Variants in SEPTIN9 observed in about 807,000 individuals in gnomAD.
SEPTIN9 encodes the protein septin 9.
Under a neutral mutation model 56.6 loss-of-function variants are expected in SEPTIN9, and 13 were observed. The observed-to-expected ratio is 0.23, with a 90% CI of 0.15 to 0.37. The LOEUF is 0.37. Ranked by LOEUF, SEPTIN9 falls within the 10% of genes least tolerant of loss-of-function variation. SEPTIN9 has a pLI of 1.00. For synonymous variants in SEPTIN9, 332 were observed against 334.1 expected (o/e 0.99, Z 0.07); for missense variants, 650 against 823.1 (o/e 0.79, Z 2.57).
In SEPTIN9 at chr17:77,436,281, G is replaced by T. The variant is rs2037334056; in HGVS notation, c.721+33578G>T. Among the ~76,000 whole-genome samples the T allele has an allele frequency of 6.6e-6, 1 of 152,192 alleles. No individual in the cohort carries two copies. The highest frequency in any genetic ancestry group is 1.5e-5 in the Non-Finnish European group (1 of 68,032). On this transcript the variant is annotated intron_variant, in intron 3 of 11. Transcript: ENST00000427177. This position sits in a 1 kb window ranked among gnomAD's most constrained non-coding sequence, Gnocchi z 4.4. ...AGAGGAAGGGGTGGGCGGGGACACA[G>T]CGCTGTTCGGCACAGTCCCCTCTGA... is the stretch of plus-strand genomic sequence containing the variant.
chr17:77,346,278 CTTTTTTTTTTTTTT>C (rs577131369), intron 2 of SEPTIN9, among the ~76,000 whole-genome samples: 516 of 46,332 alleles, frequency 0.011, 15 homozygotes, highest in South Asian at 0.02. Context: ...ATCCTTAGGT[CTTTTTTTTTTTTTT>C]TTTTTTTTTT....
intron 3 of SEPTIN9, among the ~76,000 whole-genome samples, chr17:77,479,702 G>A (rs775868715): frequency 2.6e-5 from 4 of 151,134 alleles, no homozygotes; most frequent in Admixed American, 1.3e-4. Flanking sequence ...CTCCAGGGGC[G>A]TTGGGGGCGA....
intron 3 of SEPTIN9, among the ~76,000 whole-genome samples, chr17:77,428,037 C>T (rs184598734): frequency 4.9e-4 from 74 of 152,334 alleles, no homozygotes; most frequent in Admixed American, 8.5e-4. Context: ...TGCAGCATGC[C>T]AGCCACCAAG....
intron 3 of SEPTIN9, among the ~76,000 whole-genome samples, chr17:77,406,479 G>C (rs920601107): frequency 1.3e-5 from 2 of 151,402 alleles, no homozygotes; most frequent in African/African-American, 4.9e-5. Flanking sequence ...TAGTTTTTCA[G>C]ATCATAAAAA....
At chr17:77,414,219 C>G (rs191692033) in intron 3 of SEPTIN9, among the ~76,000 whole-genome samples, 411 of 152,154 alleles carry the variant, frequency 2.7e-3, no homozygotes, top group Middle Eastern at 6.8e-3. Context: ...GCTGAGATTA[C>G]AGACATGTAC....
intron 3 of SEPTIN9, among the ~76,000 whole-genome samples, chr17:77,480,466 C>A (rs768242498): frequency 1.3e-5 from 2 of 152,242 alleles, no homozygotes; most frequent in Non-Finnish European, 2.9e-5. Context: ...TCGGTTCTTG[C>A]CCCGCAAGTG....
At chr17:77,482,710 C>G in intron 4 of SEPTIN9, 1 of 583,056 alleles carries the variant, frequency 1.7e-6, no homozygotes, top group South Asian at 2.1e-5. Context: ...GGCTCCCCAC[C>G]GCACCCCACC....
In SEPTIN9 at chr17:77,453,103, G is replaced by A. The variant is rs958655561; in HGVS notation, c.722-29041G>A. 1.2e-4 allele frequency among the ~76,000 whole-genome samples: 19 copies of A among 152,072 alleles called. No homozygotes were observed. The highest frequency in any genetic ancestry group is 1.1e-3 in the Admixed American group (17 of 15,250). The stretch of plus-strand genomic sequence containing the variant: ...CCACTTTGTGTTCCCACTAGCCCCC[G>A]CCCCTGTAGGCTGTCATTGTGATGG... On this transcript the variant is annotated intron_variant, in intron 3 of 11. Transcript: ENST00000427177. This position sits in a 1 kb window ranked among gnomAD's most constrained non-coding sequence, Gnocchi z 4.4.
intron 1 of SEPTIN9, among the ~76,000 whole-genome samples, chr17:77,296,572 T>C (rs67445724): frequency 0.2 from 30,133 of 151,916 alleles, 3,184 homozygotes; most frequent in African/African-American, 0.24. Flanking sequence ...AGATGATAGG[T>C]TGGGTTCAGT....
intron 2 of SEPTIN9, among the ~76,000 whole-genome samples, chr17:77,387,599 C>T (rs900212424): frequency 2.6e-5 from 4 of 152,034 alleles, no homozygotes; most frequent in Non-Finnish European, 5.9e-5. Flanking sequence ...GGAGACACCG[C>T]GGATCTCCTC....
At chr17:77,357,037 G>A (rs998750951) in intron 2 of SEPTIN9, among the ~76,000 whole-genome samples, 8 of 151,672 alleles carry the variant, frequency 5.3e-5, no homozygotes, top group Non-Finnish European at 1.0e-4. Flanking sequence ...TGGTGGCTGG[G>A]CTGTGGGGGG....
chr17:77,302,030 C>G (rs928062059), intron 1 of SEPTIN9, among the ~76,000 whole-genome samples: 1 of 152,254 alleles, frequency 6.6e-6, no homozygotes, highest in Non-Finnish European at 1.5e-5. Flanking sequence ...CTGAAATGAC[C>G]TTTGAGAAGG....
At position 77,436,120 on chromosome 17, in the gene SEPTIN9, T is replaced by C. The variant is rs1298631160; in HGVS notation, c.721+33417T>C. Reference sequence around the variant, plus strand: ...GAGCTCGGCGGCTGCCTTTCCACCCTGCGGGCCTGGTTGGGGAGTGTGAGG... The same window carrying C: ...GAGCTCGGCGGCTGCCTTTCCACCCCGCGGGCCTGGTTGGGGAGTGTGAGG... On this transcript the variant is annotated intron_variant, in intron 3 of 11. Transcript: ENST00000427177. This position sits in a 1 kb window ranked among gnomAD's most constrained non-coding sequence, Gnocchi z 4.4. Among the ~76,000 whole-genome samples, 9 of 152,172 alleles carry C rather than the reference T, an allele frequency of 5.9e-5. No individual in the cohort carries two copies. Among genetic ancestry groups the C allele is most frequent in the Non-Finnish European group, 1.5e-5 (1 of 68,040 alleles).
rs2037399283 is a variant in SEPTIN9, at chr17:77,437,829, G to A, written c.721+35126G>A. On this transcript the variant is annotated intron_variant, in intron 3 of 11. Transcript: ENST00000427177. The surrounding 1 kb of genome is among the most constrained non-coding windows in gnomAD (Gnocchi z 5.3). ...ACATTCTCCTGTAGCCCCACTCCCT[G>A]TAAGAAAGTCAGGTGCCTCCCGAAG... is the stretch of plus-strand genomic sequence containing the variant. Among the ~76,000 whole-genome samples the A allele has an allele frequency of 6.6e-6, 1 of 152,200 alleles. No individual in the cohort carries two copies. Among genetic ancestry groups the A allele is most frequent in the African/African-American group, 2.4e-5 (1 of 41,452 alleles).
At chr17:77,448,482 A>C (rs2037833862) in intron 3 of SEPTIN9, among the ~76,000 whole-genome samples, 1 of 149,686 alleles carries the variant, frequency 6.7e-6, no homozygotes, top group African/African-American at 2.5e-5. Flanking sequence ...TTCCCCGGCA[A>C]CCAAAAAAAA....
rs571488480 is a variant in SEPTIN9, at chr17:77,310,862, C to G, written c.76+3665C>G. On this transcript the variant is annotated intron_variant, in intron 2 of 11. Coordinates refer to ENST00000427177, the MANE Select transcript of SEPTIN9 (RefSeq NM_001113491.2). The surrounding 1 kb of genome is among the most constrained non-coding windows in gnomAD (Gnocchi z 4.7). ...GAGCCAACTCCTCTGCCTGACATCC[C>G]GTGTCGCTAGGTCCTGCTCTTCCAT... Among the ~76,000 whole-genome samples the G allele has an allele frequency of 1.3e-5, 2 of 152,156 alleles. No individual in the cohort carries two copies. Among genetic ancestry groups the G allele is most frequent in the African/African-American group, 4.8e-5 (2 of 41,434 alleles).
At position 77,492,804 on chromosome 17, in the gene SEPTIN9, G is replaced by A; in HGVS notation, c.1476+88G>A. 2 of 1,332,700 alleles carry A rather than the reference G, an allele frequency of 1.5e-6. No homozygotes were observed. The highest frequency in any genetic ancestry group is 2.2e-6 in the Non-Finnish European group (2 of 924,830). 82.6% of individuals were successfully genotyped at this position (1,332,700 alleles called of 1,614,324 possible). On this transcript the variant is annotated intron_variant, in intron 9 of 11. Coordinates refer to ENST00000427177, the MANE Select transcript of SEPTIN9 (RefSeq NM_001113491.2). This position sits in a 1 kb window ranked among gnomAD's most constrained non-coding sequence, Gnocchi z 5.4. Reference sequence around the variant, plus strand: ...GGGGGTTTGGAGGACCTTAAGCCATGAAATTATATTCTTGGGGCCAGAGGG... The same window carrying A: ...GGGGGTTTGGAGGACCTTAAGCCATAAAATTATATTCTTGGGGCCAGAGGG...
At chr17:77,302,969 G>A (rs2143574965) in intron 1 of SEPTIN9, among the ~76,000 whole-genome samples, 1 of 152,178 alleles carries the variant, frequency 6.6e-6, no homozygotes, top group Non-Finnish European at 1.5e-5. Flanking sequence ...CTCGTCTCCT[G>A]TCTTCGGCAT....
intron 2 of SEPTIN9, among the ~76,000 whole-genome samples, chr17:77,332,347 C>T (rs1028164533): frequency 3.9e-5 from 6 of 152,084 alleles, no homozygotes; most frequent in African/African-American, 1.4e-4. Context: ...CATGCACCTA[C>T]CACCTAGATT....
Sources: allele counts gnomAD v4.1 joint callset (sites outside exome capture counted in the v4.1 genomes callset), GRCh38; gene constraint gnomAD v4.1.1; non-coding constraint Gnocchi (gnomAD v3.1); transcripts MANE v1.5; gene names NCBI Gene and HGNC (gene_info 2026-07-23, HGNC 2026-07-21).